Variants in SLC30A4 observed in about 807,000 individuals in gnomAD.
The protein encoded by SLC30A4 is solute carrier family 30 member 4.
In SLC30A4, 20 loss-of-function variants were observed where a neutral mutation model predicts 41.7. That is an observed-to-expected ratio of 0.48 (90% CI 0.34 to 0.70). The LOEUF is 0.70. Ranked by LOEUF, SLC30A4 falls within the 30% of genes least tolerant of loss-of-function variation. SLC30A4 has a pLI of 0.01. For synonymous variants in SLC30A4, 181 were observed against 195.9 expected, an observed-to-expected ratio of 0.92 and a Z score of 0.64; for missense variants, 441 against 529.3, an observed-to-expected ratio of 0.83 and a Z score of 1.64.
At chr15:45,485,825 C>A (rs1891691957) in intron 7 of SLC30A4, among the ~76,000 whole-genome samples, 1 of 151,822 alleles carries the variant, frequency 6.6e-6, no homozygotes, top group South Asian at 2.1e-4. Flanking sequence ...GCAAGCAATT[C>A]TCCTGCCTCA....
chr15:45,504,892 A>G lies in SLC30A4; in HGVS notation c.538+6246T>C, dbSNP rs578185488. On this transcript the variant is annotated intron_variant, in intron 3 of 7. Transcript: ENST00000261867. ...GGTCTCAGGGTCTGTTCTCTTGACA[A>G]CTTCTCTTTGTTGCCTCTCATGGGT... 9.2e-5 allele frequency among the ~76,000 whole-genome samples: 14 copies of G among 152,238 alleles called. No individual in the cohort carries two copies. In the East Asian group the frequency reaches 9.7e-4, roughly 11 times the overall value.
At chr15:45,515,421 G>A (rs1398735343) in intron 2 of SLC30A4, among the ~76,000 whole-genome samples, 1 of 152,060 alleles carries the variant, frequency 6.6e-6, no homozygotes, top group Non-Finnish European at 1.5e-5. Flanking sequence ...TTGGGAGGCC[G>A]AGGCGGGTGG....
chr15:45,487,937 TGTGTGTGTCAAAGCTGGAAAAAA>T (rs1891736927), intron 5 of SLC30A4, among the ~76,000 whole-genome samples: 2 of 145,758 alleles, frequency 1.4e-5, no homozygotes, highest in African/African-American at 5.1e-5. Flanking sequence ...TGTGTGTGTG[TGTGTGTGTCAAAGCTGGAAAAAA>T]GTGTGTGTGT....
chr15:45,498,708 G>C (rs949107744), intron 3 of SLC30A4, among the ~76,000 whole-genome samples: 10 of 152,092 alleles, frequency 6.6e-5, no homozygotes, highest in Admixed American at 2.6e-4. Context: ...CCATCCCTAG[G>C]AAGTTCTAGG....
intron 2 of SLC30A4, among the ~76,000 whole-genome samples, chr15:45,520,011 AAATG>A (rs1371054635): frequency 1.3e-5 from 2 of 152,320 alleles, no homozygotes; most frequent in Middle Eastern, 3.4e-3. Context: ...AACAGAATAA[AAATG>A]AATTAATTCA....
chr15:45,485,480 CT>C lies in SLC30A4; in HGVS notation c.1136-164del, dbSNP rs1442558626. On this transcript the variant is annotated intron_variant, in intron 7 of 7. Coordinates refer to ENST00000261867, the MANE Select transcript of SLC30A4 (RefSeq NM_013309.6). The stretch of plus-strand genomic sequence containing the variant: ...AGATAAGTAGGTCAATTTACACATC[CT>C]TAATGGCTTCTCATTATTCTAACCT... 7.2e-5 allele frequency among the ~76,000 whole-genome samples: 11 copies of C among 152,274 alleles called. No homozygotes were observed. The East Asian group carries it at 1.9e-3, about 27-fold the overall frequency.
intron 2 of SLC30A4, among the ~76,000 whole-genome samples, chr15:45,514,478 T>G (rs1263046193): frequency 1.3e-5 from 2 of 151,646 alleles, no homozygotes; most frequent in Non-Finnish European, 2.9e-5. Flanking sequence ...TCAAACTCCT[T>G]CCTGTTATTT....
chr15:45,508,362 A>G (rs1278741811), intron 3 of SLC30A4, among the ~76,000 whole-genome samples: 2 of 152,148 alleles, frequency 1.3e-5, no homozygotes, highest in Non-Finnish European at 2.9e-5. Flanking sequence ...CTGCCTGAGT[A>G]GAGGTAGGAG....
chr15:45,511,087 TG>T (rs1892277839), intron 3 of SLC30A4, 50 bp downstream of exon 3: 2 of 1,427,998 alleles, frequency 1.4e-6, no homozygotes, highest in African/African-American at 2.8e-5. Flanking sequence ...TATAGTTCAT[TG>T]TGGTTTTACT....
intron 3 of SLC30A4, among the ~76,000 whole-genome samples, chr15:45,496,875 A>AAAT (rs1242687633): frequency 6.9e-5 from 10 of 144,558 alleles, no homozygotes; most frequent in East Asian, 2.0e-4. Flanking sequence ...ATAAATAAAT[A>AAAT]AAATAAATAG....
intron 3 of SLC30A4, chr15:45,502,933 G>T (rs1892070145): frequency 6.6e-6 from 1 of 151,788 alleles, no homozygotes; most frequent in Non-Finnish European, 1.5e-5. Context: ...GTTCGACGGT[G>T]CAGTGAGCTA....
In SLC30A4 at chr15:45,518,653, C is replaced by G. The variant is rs371844358; in HGVS notation, c.391+3311G>C. ...TCTCAGCTCACTGCAACCTCCACCC[C>G]CTGGGCTCAACCGATCCTGCCACTT... On this transcript the variant is annotated intron_variant, in intron 2 of 7. Transcript: ENST00000261867. Among the ~76,000 whole-genome samples, 54 of 152,242 alleles carry G rather than the reference C, an allele frequency of 3.5e-4. 1 individual carries two copies. The South Asian group carries it at 9.3e-3, about 26-fold the overall frequency.
intron 3 of SLC30A4, among the ~76,000 whole-genome samples, chr15:45,495,515 G>C (rs73414486): frequency 0.085 from 12,872 of 152,220 alleles, 1,807 homozygotes; most frequent in African/African-American, 0.29. Context: ...CAGTATTTCA[G>C]ATATATTAGG....
chr15:45,500,920 G>A (rs1208935535), intron 3 of SLC30A4, among the ~76,000 whole-genome samples: 1 of 151,784 alleles, frequency 6.6e-6, no homozygotes, highest in East Asian at 2.0e-4. Flanking sequence ...TTGACCTCAG[G>A]TGATCCACCC....
Position 45,484,494 on chromosome 15 carries a change from A to G in SLC30A4, c.*669T>C, listed in dbSNP as rs1272727813. The G allele has an allele frequency of 6.6e-6, 1 of 152,244 alleles. No individual in the cohort carries two copies. The highest frequency in any genetic ancestry group is 6.5e-5 in the Admixed American group (1 of 15,278). 9.4% of individuals were successfully genotyped at this position (152,244 alleles called of 1,614,324 possible). On this transcript the variant is annotated 3_prime_UTR_variant, in exon 8 of 8. Transcript: ENST00000261867. ...TAATAACAGTGACCACAATAAATAA[A>G]GATTTGGTTCTAAGATTACAAATAA...
chr15:45,482,048 C>A lies in SLC30A4; in HGVS notation c.*3115G>T. ...CCAGCCTGGGCAACATAGGGAGACC[C>A]CATCTCATTAAAAAAAAAAAAAAAA... On this transcript the variant is annotated 3_prime_UTR_variant, in exon 8 of 8. Transcript: ENST00000261867. 7.6e-6 allele frequency: 1 copy of A among 132,264 alleles called. No individual in the cohort carries two copies. The highest frequency in any genetic ancestry group is 1.5e-5 in the Non-Finnish European group (1 of 64,646). The allele number at this position is 132,264 out of a possible 1,614,324, so 8.2% of individuals were successfully genotyped here.
chr15:45,498,202 A>G (rs1040939357), intron 3 of SLC30A4, among the ~76,000 whole-genome samples: 1 of 152,126 alleles, frequency 6.6e-6, no homozygotes, highest in Non-Finnish European at 1.5e-5. Flanking sequence ...GAGTGGAGCT[A>G]TATCCTCTCT....
chr15:45,518,459 A>C (rs1892560133), intron 2 of SLC30A4, among the ~76,000 whole-genome samples: 1 of 152,228 alleles, frequency 6.6e-6, no homozygotes, highest in Non-Finnish European at 1.5e-5. Context: ...AGTACTCAAA[A>C]TACACTTCCA....
chr15:45,494,368 G>A (rs2140821655), intron 3 of SLC30A4, among the ~76,000 whole-genome samples: 2 of 152,290 alleles, frequency 1.3e-5, no homozygotes, highest in East Asian at 3.9e-4. Context: ...TATAACTGCT[G>A]ATGGTGAAGT....
Sources: gnomAD v4.1 joint callset for allele counts (sites outside exome capture counted in the v4.1 genomes callset) on GRCh38, gnomAD v4.1.1 for gene constraint, MANE v1.5 for transcripts, NCBI Gene and HGNC (gene_info 2026-07-23, HGNC 2026-07-21) for gene names.